Variants in CCSER1 observed in about 807,000 individuals in gnomAD.
CCSER1 encodes serine-rich coiled-coil domain-containing protein 1.
In CCSER1, 41 loss-of-function variants were observed where a neutral mutation model predicts 82.0. That is an observed-to-expected ratio of 0.50 (90% CI 0.39 to 0.65). CCSER1 has a LOEUF of 0.65. Among genes scored for constraint, CCSER1 ranks in the 30% least tolerant of loss-of-function variants. CCSER1 has a pLI of 0.00. For synonymous variants in CCSER1, 414 were observed against 383.9 expected, an observed-to-expected ratio of 1.08 and a Z score of -0.92; for missense variants, 1,119 against 1,064.2, an observed-to-expected ratio of 1.05 and a Z score of -0.72.
chr4:90,551,706 C>CTCTCTCTCTCTATATATA lies in CCSER1; in HGVS notation c.1725-76318_1725-76317insCTCTCTCTCTATATATAT. Among the ~76,000 whole-genome samples, 224 of 104,212 alleles carry CTCTCTCTCTCTATATATA rather than the reference C, an allele frequency of 2.1e-3. 3 individuals are homozygous for CTCTCTCTCTCTATATATA. The highest frequency in any genetic ancestry group is 7.8e-3 in the African/African-American group (171 of 21,914). The allele number at this position is 104,212 out of a possible 152,430, so 68.4% of individuals were successfully genotyped here. Reference sequence around the variant, plus strand: ...TCTCTCTCTCTCTCTCTCTCTCTCTCTATATATATATATATATATATGTAA... The same window carrying CTCTCTCTCTCTATATATA: ...TCTCTCTCTCTCTCTCTCTCTCTCTCTCTCTCTCTCTATATATATATATATATATATATATATATGTAA... On this transcript the variant is annotated intron_variant, in intron 5 of 10. Transcript: ENST00000509176.
chr4:91,597,176 T>A (rs1032876581), intron 10 of CCSER1, among the ~76,000 whole-genome samples: 1 of 151,986 alleles, frequency 6.6e-6, no homozygotes, highest in African/African-American at 2.4e-5. Flanking sequence ...CTACACTAGC[T>A]TAGGATAAAA....
chr4:90,457,057 C>A (rs967244772), intron 4 of CCSER1, among the ~76,000 whole-genome samples: 1 of 152,144 alleles, frequency 6.6e-6, no homozygotes, highest in African/African-American at 2.4e-5. Context: ...GCGAGCGATC[C>A]CAGGGTCCGG....
intron 1 of CCSER1, among the ~76,000 whole-genome samples, chr4:90,246,600 T>C (rs1448219386): frequency 1.3e-5 from 2 of 152,152 alleles, no homozygotes; most frequent in Non-Finnish European, 2.9e-5. Flanking sequence ...CTGCTGGTGC[T>C]TGGTATTCTA....
Position 91,599,081 on chromosome 4 carries a change from T to C in CCSER1, c.*24T>C. ...AATTAAATCACCGTATTCCTGTCTT[T>C]GGGTAGGATAAAGATGGTTAGTGTT... On this transcript the variant is annotated 3_prime_UTR_variant, in exon 11 of 11. Transcript: ENST00000509176. 4.6e-6 allele frequency: 7 copies of C among 1,506,574 alleles called. No homozygotes were observed. Among genetic ancestry groups the C allele is most frequent in the Non-Finnish European group, 6.2e-6 (7 of 1,122,250 alleles). 93.3% of individuals were successfully genotyped at this position (1,506,574 alleles called of 1,614,324 possible).
chr4:91,040,871 A>G (rs1358589303), intron 9 of CCSER1, among the ~76,000 whole-genome samples: 1 of 152,152 alleles, frequency 6.6e-6, no homozygotes, highest in Non-Finnish European at 1.5e-5. Flanking sequence ...GAGATGAGAG[A>G]CATATTTTTA....
intron 5 of CCSER1, among the ~76,000 whole-genome samples, chr4:90,543,337 T>A (rs1382169485): frequency 6.6e-6 from 1 of 152,170 alleles, no homozygotes; most frequent in African/African-American, 2.4e-5. Context: ...AGAATGAATC[T>A]TTCCTACATA....
At chr4:90,687,769 G>A (rs1448517144) in intron 6 of CCSER1, among the ~76,000 whole-genome samples, 2 of 152,128 alleles carry the variant, frequency 1.3e-5, no homozygotes, top group South Asian at 2.1e-4. Flanking sequence ...TGAAAGGAAG[G>A]AAGAGAAGGA....
chr4:90,185,630 G>A (rs1278089265), intron 1 of CCSER1, among the ~76,000 whole-genome samples: 1 of 151,926 alleles, frequency 6.6e-6, no homozygotes, highest in Non-Finnish European at 1.5e-5. Context: ...CTTCCATTCT[G>A]AAAGACAAGA....
intron 10 of CCSER1, among the ~76,000 whole-genome samples, chr4:91,419,891 A>T (rs1417156635): frequency 6.6e-6 from 1 of 152,082 alleles, no homozygotes; most frequent in Non-Finnish European, 1.5e-5. Flanking sequence ...CCTGTAAGTA[A>T]ACCCACACAT....
At chr4:90,160,800 G>A (rs1729296954) in intron 1 of CCSER1, among the ~76,000 whole-genome samples, 1 of 152,062 alleles carries the variant, frequency 6.6e-6, no homozygotes, top group Non-Finnish European at 1.5e-5. Flanking sequence ...AAGCACTAAA[G>A]AAAAAGTGAA....
chr4:90,841,434 C>T (rs535149079), intron 8 of CCSER1, among the ~76,000 whole-genome samples: 14 of 151,664 alleles, frequency 9.2e-5, no homozygotes, highest in African/African-American at 2.2e-4. Context: ...AAAAATTAGC[C>T]GGGCGTGGTG....
chr4:91,261,952 A>C (rs1488195562), intron 10 of CCSER1, among the ~76,000 whole-genome samples: 1 of 152,174 alleles, frequency 6.6e-6, no homozygotes, highest in Non-Finnish European at 1.5e-5. Context: ...TGTGCATGGT[A>C]GATTTGAGAG....
chr4:90,663,978 G>T (rs919694549), intron 6 of CCSER1: 6 of 182,970 alleles, frequency 3.3e-5, no homozygotes, highest in African/African-American at 1.2e-4. Context: ...GATAAAAATT[G>T]GTTTTTCAGT....
intron 10 of CCSER1, among the ~76,000 whole-genome samples, chr4:91,213,116 A>G (rs1190671529): frequency 1.3e-5 from 2 of 152,034 alleles, no homozygotes; most frequent in Non-Finnish European, 2.9e-5. Context: ...TATACGCACC[A>G]CTTTTTTAAA....
chr4:90,615,154 AC>A (rs111951266), intron 5 of CCSER1, among the ~76,000 whole-genome samples: 10,501 of 152,234 alleles, frequency 0.069, 942 homozygotes, highest in African/African-American at 0.21. Flanking sequence ...TCAGAAAAAA[AC>A]AAGATTTCTT....
At chr4:91,436,377 T>G (rs1354366811) in intron 10 of CCSER1, among the ~76,000 whole-genome samples, 1 of 152,180 alleles carries the variant, frequency 6.6e-6, no homozygotes, top group African/African-American at 2.4e-5. Context: ...TAAGAACTTA[T>G]GAAGAAAGGA....
chr4:90,296,709 A>G (rs1055752379), intron 1 of CCSER1, among the ~76,000 whole-genome samples: 1 of 152,134 alleles, frequency 6.6e-6, no homozygotes, highest in Non-Finnish European at 1.5e-5. Flanking sequence ...CTTTCTACAT[A>G]TGGCTACCCA....
intron 1 of CCSER1, among the ~76,000 whole-genome samples, chr4:90,172,286 A>C (rs990394852): frequency 1.3e-5 from 2 of 151,938 alleles, no homozygotes; most frequent in Non-Finnish European, 2.9e-5. Flanking sequence ...ATTTTGAATC[A>C]GAATAGGATA....
At position 90,193,305 on chromosome 4, in the gene CCSER1, A is replaced by C. The variant is rs117433827; in HGVS notation, c.-42+65474A>C. ...AACAGGTGCCTGGCACATAGTGTTC[A>C]ATAAATATATAGAGTTGCTAAGAGA... On this transcript the variant is annotated intron_variant, in intron 1 of 10. Coordinates refer to ENST00000509176, the MANE Select transcript of CCSER1 (RefSeq NM_001145065.2). Among the ~76,000 whole-genome samples the C allele has an allele frequency of 2.8e-4, 42 of 152,244 alleles. No homozygotes were observed. The East Asian group carries it at 7.9e-3, about 29-fold the overall frequency.
Sources: allele counts gnomAD v4.1 joint callset (sites outside exome capture counted in the v4.1 genomes callset), GRCh38; gene constraint gnomAD v4.1.1; transcripts MANE v1.5; gene names NCBI Gene and HGNC (gene_info 2026-07-23, HGNC 2026-07-21).